The following PTK7 variants were observed in gnomAD, a reference collection of about 807,000 sequenced individuals.
PTK7 encodes protein tyrosine kinase 7 (inactive).
Under a neutral mutation model 116.6 loss-of-function variants are expected in PTK7, and 39 were observed. That is an observed-to-expected ratio of 0.33 (90% confidence interval 0.26 to 0.44). The LOEUF (loss-of-function observed/expected upper bound fraction) is 0.44. Ranked by LOEUF, PTK7 falls within the 20% of genes least tolerant of loss-of-function variation. The probability of loss-of-function intolerance (pLI) is 1.00; values close to 1 mark genes in which losing one functional copy is unlikely to be tolerated. For missense variants in PTK7, 1,169 were observed against 1,425.6 expected, an observed-to-expected ratio of 0.82 and a Z score of 2.90; for synonymous variants, 546 against 563.6, an observed-to-expected ratio of 0.97 and a Z score of 0.44.
At position 43,141,510 on chromosome 6, in the gene PTK7, C is replaced by T. The variant is rs1770404539; in HGVS notation, c.1619-158C>T. ...GAAGAATTGGAAGAGGGGTAAATAA[C>T]GGAGGGGCTTCTAACACTTGGCTCA... On this transcript the variant is annotated intron_variant, in intron 10 of 19. Transcript: ENST00000230419. The surrounding 1 kb of genome is among the most constrained non-coding windows in gnomAD (Gnocchi z 4.9). Among the ~76,000 whole-genome samples the T allele has an allele frequency of 6.6e-6, 1 of 152,064 alleles. No individual in the cohort carries two copies. The highest frequency in any genetic ancestry group is 1.5e-5 in the Non-Finnish European group (1 of 68,014).
chr6:43,136,359 G>C (rs1269413954), intron 7 of PTK7, among the ~76,000 whole-genome samples: 2 of 151,694 alleles, frequency 1.3e-5, no homozygotes, highest in African/African-American at 4.8e-5. Flanking sequence ...CCAAACCGTA[G>C]TGACTTGAAA....
intron 1 of PTK7, among the ~76,000 whole-genome samples, chr6:43,084,165 C>G (rs937658489): frequency 6.6e-6 from 1 of 152,198 alleles, no homozygotes; most frequent in Non-Finnish European, 1.5e-5. Context: ...GGGTCTCACT[C>G]TGTCACCCAG....
At chr6:43,117,425 G>C (rs1450655280) in intron 1 of PTK7, among the ~76,000 whole-genome samples, 1 of 152,236 alleles carries the variant, frequency 6.6e-6, no homozygotes, top group African/African-American at 2.4e-5. Flanking sequence ...TAGATTGGTT[G>C]TGGAGGGAAT....
chr6:43,122,221 A>AACTGC (rs1188193207), intron 1 of PTK7, among the ~76,000 whole-genome samples: 1 of 152,156 alleles, frequency 6.6e-6, no homozygotes, highest in African/African-American at 2.4e-5. Context: ...TCAGATCTTT[A>AACTGC]AGGTATGAGG....
At chr6:43,097,422 C>T (rs2150385853) in intron 1 of PTK7, among the ~76,000 whole-genome samples, 1 of 152,280 alleles carries the variant, frequency 6.6e-6, no homozygotes, top group South Asian at 2.1e-4. Context: ...GGACAAATTC[C>T]TGGAAGTGGA....
chr6:43,154,706 G>C (rs73736715), intron 17 of PTK7, among the ~76,000 whole-genome samples: 3,367 of 152,322 alleles, frequency 0.022, 126 homozygotes, highest in African/African-American at 0.075. Flanking sequence ...GATGTCTTTG[G>C]AGTGTCCCCT....
At chr6:43,158,224 G>A (rs1477723917) in intron 17 of PTK7, among the ~76,000 whole-genome samples, 7 of 151,798 alleles carry the variant, frequency 4.6e-5, no homozygotes, top group Admixed American at 6.6e-5. Context: ...GCGTGAACCC[G>A]GGAGGCAGAG....
intron 1 of PTK7, among the ~76,000 whole-genome samples, chr6:43,126,829 G>A (rs1420762789): frequency 1.3e-5 from 2 of 152,200 alleles, no homozygotes; most frequent in African/African-American, 4.8e-5. Context: ...CGGGAGGGCA[G>A]ATTTGTTAAC....
intron 1 of PTK7, among the ~76,000 whole-genome samples, chr6:43,108,140 G>A (rs1424714536): frequency 1.3e-5 from 2 of 150,426 alleles, no homozygotes; most frequent in Non-Finnish European, 2.9e-5. Context: ...TGTTGCCCAG[G>A]CTGGAGTGCA....
intron 7 of PTK7, among the ~76,000 whole-genome samples, chr6:43,135,553 G>T (rs1225394901): frequency 6.6e-6 from 1 of 152,214 alleles, no homozygotes; most frequent in Non-Finnish European, 1.5e-5. Context: ...TTCTGTAAAA[G>T]GTGCATTGGA....
At chr6:43,134,442 T>G (rs1769900403) in intron 7 of PTK7, among the ~76,000 whole-genome samples, 1 of 151,232 alleles carries the variant, frequency 6.6e-6, no homozygotes, top group Admixed American at 6.6e-5. Context: ...AGCCCAGGAG[T>G]TTGAGACCAG....
intron 1 of PTK7, among the ~76,000 whole-genome samples, chr6:43,082,463 AC>A (rs1403649607): frequency 6.6e-6 from 1 of 152,184 alleles, no homozygotes; most frequent in Non-Finnish European, 1.5e-5. Flanking sequence ...GGCGTGAGCC[AC>A]CGTGCCCTGC....
At chr6:43,114,286 G>T (rs1768366638) in intron 1 of PTK7, among the ~76,000 whole-genome samples, 1 of 152,124 alleles carries the variant, frequency 6.6e-6, no homozygotes, top group South Asian at 2.1e-4. Flanking sequence ...CTGTGTCTCT[G>T]CATGTTGATC....
chr6:43,157,360 ATATATTTTTTTTTTTCT>A (rs1771540393), intron 17 of PTK7, among the ~76,000 whole-genome samples: 7 of 8,026 alleles, frequency 8.7e-4, no homozygotes, highest in African/African-American at 3.8e-3. Flanking sequence ...ATATATATAT[ATATATTTTTTTTTTTCT>A]TTTTTTTTTT....
chr6:43,126,456 G>A (rs946694401), intron 1 of PTK7, among the ~76,000 whole-genome samples: 1 of 152,194 alleles, frequency 6.6e-6, no homozygotes, highest in Admixed American at 6.5e-5. Flanking sequence ...CTTGCCCCAC[G>A]CTTCCTCAGA....
intron 1 of PTK7, among the ~76,000 whole-genome samples, chr6:43,096,903 CA>C (rs925135302): frequency 9.5e-6 from 1 of 104,964 alleles, no homozygotes; most frequent in African/African-American, 4.1e-5. Flanking sequence ...GCAACATGAC[CA>C]GTTTGCTGGG....
Position 43,142,277 on chromosome 6 carries a change from G to A in PTK7, c.2025G>A (p.Thr675=), listed in dbSNP as rs756545753. ...IAGNSCNIKH[T]EAPLYVVDKP... is the part of the protein sequence containing the mutation. ...GCAACAGCTGCAACATCAAGCACAC[G>A]GAGGCCCCCCTCTATGTCGTGGGTA... Residue 675 remains threonine (T), a synonymous_variant, in exon 13 of 20, where the codon ACG becomes ACA. Coordinates refer to ENST00000230419, the MANE Select transcript of PTK7 (RefSeq NM_002821.5). The A allele has an allele frequency of 2.5e-5, 40 of 1,614,058 alleles. No individual in the cohort carries two copies. The East Asian group carries it at 5.6e-4, about 22-fold the overall frequency.
At chr6:43,146,884 C>T (rs1415304337) in intron 17 of PTK7, among the ~76,000 whole-genome samples, 186 bp downstream of exon 17, 1 of 152,240 alleles carries the variant, frequency 6.6e-6, no homozygotes, top group Non-Finnish European at 1.5e-5. Context: ...TGGATGAAGA[C>T]ATTGAGGCTT....
At chr6:43,082,793 C>G (rs1766451044) in intron 1 of PTK7, among the ~76,000 whole-genome samples, 1 of 152,208 alleles carries the variant, frequency 6.6e-6, no homozygotes, top group Admixed American at 6.5e-5. Flanking sequence ...TGATGTTTAG[C>G]TCCTCTCAGA....
Sources: gnomAD v4.1 joint callset for allele counts (sites outside exome capture counted in the v4.1 genomes callset) on GRCh38, gnomAD v4.1.1 for gene constraint, Gnocchi (gnomAD v3.1) non-coding constraint, MANE v1.5 for transcripts, NCBI Gene and HGNC (gene_info 2026-07-23, HGNC 2026-07-21) for gene names.